The following GRID1 variants were observed in gnomAD, a reference collection of about 807,000 sequenced individuals.
The protein encoded by GRID1 is glutamate ionotropic receptor delta type subunit 1, also known as glutamate receptor ionotropic, delta-1.
A neutral mutation model predicts 98.0 loss-of-function variants in GRID1; 28 were observed. That is an observed-to-expected ratio of 0.29 (90% CI 0.21 to 0.39). GRID1 has a LOEUF of 0.39. Among genes scored for constraint, GRID1 ranks in the 10% least tolerant of loss-of-function variants. The probability of loss-of-function intolerance (pLI) is 1.00; values close to 1 mark genes in which losing one functional copy is unlikely to be tolerated. For synonymous variants in GRID1, 553 were observed against 538.5 expected, an observed-to-expected ratio of 1.03 and a Z score of -0.37; for missense variants, 1,111 against 1,340.5, an observed-to-expected ratio of 0.83 and a Z score of 2.67.
chr10:86,045,680 G>C (rs534646742), intron 4 of GRID1, among the ~76,000 whole-genome samples: 59 of 152,272 alleles, frequency 3.9e-4, no homozygotes, highest in Admixed American at 3.4e-3. Context: ...GCGAGGCACC[G>C]AGTGGTGGTT....
chr10:85,913,766 G>A (rs912359566), intron 5 of GRID1, among the ~76,000 whole-genome samples: 6 of 152,048 alleles, frequency 3.9e-5, no homozygotes, highest in African/African-American at 1.4e-4. Flanking sequence ...CTTCAGCCTG[G>A]GTGACAGAAC....
chr10:86,250,873 G>A (rs1194433587), intron 2 of GRID1, among the ~76,000 whole-genome samples: 1 of 152,246 alleles, frequency 6.6e-6, no homozygotes, highest in Non-Finnish European at 1.5e-5. Context: ...AACGGGCCAT[G>A]ATGACAAAGG....
Position 86,195,523 on chromosome 10 carries a change from C to T in GRID1, c.520+10841G>A, listed in dbSNP as rs1171330970. The stretch of plus-strand genomic sequence containing the variant: ...TCTCTGGATGTGTGAAGGAAATAAA[C>T]AAATAAGCAAACAGGCAGACAATGC... On this transcript the variant is annotated intron_variant, in intron 3 of 15. Transcript: ENST00000327946. This position sits in a 1 kb window ranked among gnomAD's most constrained non-coding sequence, Gnocchi z 4.4. 6.6e-6 allele frequency among the ~76,000 whole-genome samples: 1 copy of T among 152,110 alleles called. No homozygotes were observed. The highest frequency in any genetic ancestry group is 1.5e-5 in the Non-Finnish European group (1 of 67,984).
intron 4 of GRID1, among the ~76,000 whole-genome samples, chr10:85,969,898 G>A (rs1842384943): frequency 6.6e-6 from 1 of 151,270 alleles, no homozygotes; most frequent in Admixed American, 6.6e-5. Flanking sequence ...AAATCAATAA[G>A]CAAAGAGTTG....
chr10:86,019,581 C>G (rs1459932170), intron 4 of GRID1, among the ~76,000 whole-genome samples: 1 of 152,250 alleles, frequency 6.6e-6, no homozygotes, highest in African/African-American at 2.4e-5. Flanking sequence ...GCATGCTAGG[C>G]CCTTTGCAGA....
In GRID1 at chr10:86,298,652, G is replaced by C. The variant is rs1847631181; in HGVS notation, c.235+65289C>G. 2.6e-5 allele frequency among the ~76,000 whole-genome samples: 4 copies of C among 152,130 alleles called. No homozygotes were observed. The South Asian group carries it at 8.3e-4, about 31-fold the overall frequency. ...CCCCTCCTTCAGGACTCATCCTGGA[G>C]CTAAACATGCCCCCGAGGCTTCCTC... On this transcript the variant is annotated intron_variant, in intron 2 of 15. Transcript: ENST00000327946.
At chr10:86,110,264 G>A (rs1229995516) in intron 4 of GRID1, among the ~76,000 whole-genome samples, 3 of 152,042 alleles carry the variant, frequency 2.0e-5, no homozygotes, top group South Asian at 2.1e-4. Context: ...ATGAGCCACC[G>A]CCCCCGGCCT....
Position 86,041,149 on chromosome 10 carries a change from T to G in GRID1, c.726+97670A>C, listed in dbSNP as rs1843339607. ...GTGCTAACCACTTCACTCCACCTATTCATCCACACGGAGACCTCCCAGAGC... is the reference window on the plus strand; with the variant it reads ...GTGCTAACCACTTCACTCCACCTATGCATCCACACGGAGACCTCCCAGAGC... On this transcript the variant is annotated intron_variant, in intron 4 of 15. Coordinates refer to ENST00000327946, the MANE Select transcript of GRID1 (RefSeq NM_017551.3). 2.0e-5 allele frequency among the ~76,000 whole-genome samples: 3 copies of G among 152,186 alleles called. No individual in the cohort carries two copies. In the South Asian group the frequency reaches 6.2e-4, roughly 32 times the overall value.
At chr10:85,772,121 T>C (rs1388046272) in intron 8 of GRID1, among the ~76,000 whole-genome samples, 1 of 152,074 alleles carries the variant, frequency 6.6e-6, no homozygotes, top group Non-Finnish European at 1.5e-5. Flanking sequence ...TAACAAACTG[T>C]CTCTCAGACC....
intron 2 of GRID1, among the ~76,000 whole-genome samples, chr10:86,250,007 G>A (rs1846795378): frequency 6.6e-6 from 1 of 151,860 alleles, no homozygotes; most frequent in Non-Finnish European, 1.5e-5. Flanking sequence ...ATGGGTGGGT[G>A]GAAGGATGGA....
intron 12 of GRID1, among the ~76,000 whole-genome samples, chr10:85,681,262 C>A (rs1416279318): frequency 1.3e-5 from 2 of 152,138 alleles, no homozygotes. Flanking sequence ...AGGAAAAGAG[C>A]AAAGGAACTC....
intron 11 of GRID1, among the ~76,000 whole-genome samples, chr10:85,723,746 A>G (rs1841729617): frequency 6.6e-6 from 1 of 152,208 alleles, no homozygotes. Context: ...CTTGGTCTCT[A>G]AAGTGTTAGG....
chr10:85,609,697 G>T (rs145422346), intron 15 of GRID1, among the ~76,000 whole-genome samples: 1 of 152,186 alleles, frequency 6.6e-6, no homozygotes, highest in Admixed American at 6.5e-5. Flanking sequence ...GATGGAAACC[G>T]GGCCAGGGGA....
At chr10:86,065,368 G>T (rs1843705475) in intron 4 of GRID1, among the ~76,000 whole-genome samples, 1 of 152,224 alleles carries the variant, frequency 6.6e-6, no homozygotes, top group South Asian at 2.1e-4. Flanking sequence ...CTGCAGCTCT[G>T]TGGACTCTGG....
intron 12 of GRID1, 101 bp from the exon 13 acceptor site, chr10:85,647,498 A>G (rs544806596): frequency 1.1e-5 from 9 of 850,738 alleles, no homozygotes; most frequent in Non-Finnish European, 1.7e-5. Context: ...CAAGCCCGGC[A>G]TGGCCCACTA....
Position 86,206,156 on chromosome 10 carries a change from T to G in GRID1, c.520+208A>C, listed in dbSNP as rs1846021840. Among the ~76,000 whole-genome samples the G allele has an allele frequency of 2.0e-5, 3 of 152,218 alleles. No homozygotes were observed. In the South Asian group the frequency reaches 6.2e-4, roughly 32 times the overall value. On this transcript the variant is annotated intron_variant, in intron 3 of 15. Transcript: ENST00000327946. This position sits in a 1 kb window ranked among gnomAD's most constrained non-coding sequence, Gnocchi z 4.1. ...AAACTTCAGCCGTCATGATAAGGTG[T>G]TGTTGCTAGGCAACTTTATACCTAT... is the stretch of plus-strand genomic sequence containing the variant.
intron 8 of GRID1, among the ~76,000 whole-genome samples, chr10:85,774,506 A>C (rs1360716890): frequency 6.6e-6 from 1 of 151,126 alleles, no homozygotes; most frequent in Non-Finnish European, 1.5e-5. Context: ...GCTTCTGCAC[A>C]GCAAAAGAAA....
chr10:86,023,804 AT>A (rs1843081147), intron 4 of GRID1, among the ~76,000 whole-genome samples: 1 of 152,010 alleles, frequency 6.6e-6, no homozygotes, highest in Non-Finnish European at 1.5e-5. Flanking sequence ...TCTAAGTTCA[AT>A]TGCATCTATT....
chr10:85,874,663 C>A (rs982795627), intron 5 of GRID1, among the ~76,000 whole-genome samples: 3 of 152,070 alleles, frequency 2.0e-5, no homozygotes, highest in Admixed American at 2.0e-4. Context: ...GGCTACAAAC[C>A]CATCTAACTT....
Sources: gnomAD v4.1 joint callset for allele counts (sites outside exome capture counted in the v4.1 genomes callset) on GRCh38, gnomAD v4.1.1 for gene constraint, Gnocchi (gnomAD v3.1) non-coding constraint, MANE v1.5 for transcripts, NCBI Gene and HGNC (gene_info 2026-07-23, HGNC 2026-07-21) for gene names.